RORA: variants seen among roughly 807,000 people sequenced by gnomAD.
The protein encoded by RORA is RAR related orphan receptor A, also known as nuclear receptor ROR-alpha.
RORA carries 7 observed loss-of-function variants against 69.5 expected under a neutral mutation model. The observed-to-expected ratio is 0.10, with a 90% CI of 0.06 to 0.19. The LOEUF is 0.19. RORA is among the 10% of genes least tolerant of loss of function. The pLI, the probability that RORA is intolerant of heterozygous loss-of-function variation, is 1.00. For missense variants in RORA, 457 were observed against 663.0 expected, an observed-to-expected ratio of 0.69 and a Z score of 3.41; for synonymous variants, 261 against 240.8, an observed-to-expected ratio of 1.08 and a Z score of -0.78.
intron 2 of RORA, among the ~76,000 whole-genome samples, chr15:60,653,090 G>A (rs1156312211): frequency 2.0e-5 from 3 of 152,170 alleles, no homozygotes; most frequent in Non-Finnish European, 4.4e-5. Flanking sequence ...TACGCTGTGG[G>A]CTTTCGTTTC....
At chr15:60,627,488 T>C (rs2069621883) in intron 2 of RORA, 9 of 1,549,490 alleles carry the variant, frequency 5.8e-6, no homozygotes, top group Non-Finnish European at 7.8e-6. Context: ...TGGAGAATGA[T>C]GGGGAGGAGT....
intron 1 of RORA, among the ~76,000 whole-genome samples, chr15:61,206,791 A>G (rs2079945947): frequency 1.3e-5 from 2 of 152,204 alleles, no homozygotes; most frequent in Admixed American, 1.3e-4. Flanking sequence ...CAGGCTCAGC[A>G]CACGGGAGGG....
intron 2 of RORA, among the ~76,000 whole-genome samples, chr15:60,541,566 G>A (rs1333112752): frequency 6.6e-6 from 1 of 152,214 alleles, no homozygotes; most frequent in Non-Finnish European, 1.5e-5. Context: ...GAAGTGGCAG[G>A]AGCTGGTGGC....
chr15:60,914,405 C>T (rs1891812038), intron 1 of RORA, among the ~76,000 whole-genome samples: 1 of 152,176 alleles, frequency 6.6e-6, no homozygotes, highest in South Asian at 2.1e-4. Flanking sequence ...GCCACTCCTC[C>T]TTACATACAA....
chr15:60,816,050 C>CTA (rs1370125671), intron 1 of RORA, among the ~76,000 whole-genome samples: 1 of 129,076 alleles, frequency 7.7e-6, no homozygotes, highest in African/African-American at 3.0e-5. Flanking sequence ...ACTATAAAAA[C>CTA]TATATGTATT....
intron 1 of RORA, among the ~76,000 whole-genome samples, chr15:61,117,079 TATG>T (rs2079057366): frequency 6.6e-6 from 1 of 152,196 alleles, no homozygotes; most frequent in Non-Finnish European, 1.5e-5. Flanking sequence ...CTGTATAATT[TATG>T]ATAATGTTAA....
chr15:60,535,064 C>G (rs1026212218), intron 2 of RORA, among the ~76,000 whole-genome samples: 11 of 152,114 alleles, frequency 7.2e-5, no homozygotes, highest in African/African-American at 2.7e-4. Flanking sequence ...CAGTTTCCCA[C>G]CAGGTAGTGT....
At chr15:61,198,782 G>A (rs543141470) in intron 1 of RORA, among the ~76,000 whole-genome samples, 21 of 151,918 alleles carry the variant, frequency 1.4e-4, no homozygotes, top group Non-Finnish European at 1.8e-4. Flanking sequence ...GAGGGCTCCC[G>A]ACTGCCTGTA....
At chr15:60,850,742 A>G (rs1272876131) in intron 1 of RORA, among the ~76,000 whole-genome samples, 1 of 152,142 alleles carries the variant, frequency 6.6e-6, no homozygotes, top group Non-Finnish European at 1.5e-5. Flanking sequence ...AGCCCTGTAG[A>G]CAACTGGTGC....
intron 2 of RORA, among the ~76,000 whole-genome samples, chr15:60,532,402 A>G (rs17191463): frequency 0.1 from 15,302 of 152,272 alleles, 886 homozygotes; most frequent in Middle Eastern, 0.18. Context: ...TTTGTGTACA[A>G]TCAGAACCTT....
intron 1 of RORA, among the ~76,000 whole-genome samples, chr15:61,199,802 G>A (rs1241344975): frequency 1.3e-5 from 2 of 152,226 alleles, no homozygotes; most frequent in East Asian, 1.9e-4. Context: ...ACTGATAACA[G>A]GCTGACAATG....
chr15:61,091,510 C>T (rs2078706704), intron 1 of RORA, among the ~76,000 whole-genome samples: 2 of 152,212 alleles, frequency 1.3e-5, no homozygotes, highest in African/African-American at 4.8e-5. Context: ...ACTCCCACTT[C>T]CCAGGGGCAA....
rs527651380 is a variant in RORA at position 61,104,971 on chromosome 15, C to T, written c.166+124082G>A. Among the ~76,000 whole-genome samples, 5 of 151,602 alleles carry T rather than the reference C, an allele frequency of 3.3e-5. No individual in the cohort carries two copies. The East Asian group carries it at 5.8e-4, about 18-fold the overall frequency. ...CTGCTGCCATGTAAGATGTGCCTTT[C>T]GTTTTCTGCCATGATCATGAGGCGC... On this transcript the variant is annotated intron_variant, in intron 1 of 10. Transcript: ENST00000335670.
chr15:61,133,012 G>A (rs2079205561), intron 1 of RORA, among the ~76,000 whole-genome samples: 2 of 151,550 alleles, frequency 1.3e-5, no homozygotes, highest in African/African-American at 4.8e-5. Context: ...TCCAACTACG[G>A]GAACAGAATA....
chr15:60,857,761 T>C (rs1329571827), intron 1 of RORA, among the ~76,000 whole-genome samples: 2 of 152,030 alleles, frequency 1.3e-5, no homozygotes, highest in East Asian at 3.8e-4. Context: ...TTAAGCAAAA[T>C]GATTAGTACC....
intron 1 of RORA, among the ~76,000 whole-genome samples, chr15:60,753,604 G>A (rs1022102718): frequency 2.6e-5 from 4 of 152,218 alleles, no homozygotes; most frequent in African/African-American, 9.7e-5. Context: ...ATTGAGCCCA[G>A]ATGTGTTAAA....
At chr15:61,037,509 G>A (rs1249473059) in intron 1 of RORA, among the ~76,000 whole-genome samples, 4 of 152,156 alleles carry the variant, frequency 2.6e-5, no homozygotes, top group Non-Finnish European at 5.9e-5. Context: ...CGCAGCCACA[G>A]GGCAGGAGAC....
At chr15:61,018,231 C>G (rs1383148327) in intron 1 of RORA, among the ~76,000 whole-genome samples, 1 of 152,114 alleles carries the variant, frequency 6.6e-6, no homozygotes, top group East Asian at 1.9e-4. Context: ...CTTCTGATTC[C>G]TCAGCAAAGT....
intron 2 of RORA, among the ~76,000 whole-genome samples, chr15:60,542,445 A>ACATGCACACCTCACACACG (rs1567072882): frequency 1.4e-5 from 2 of 142,130 alleles, no homozygotes; most frequent in African/African-American, 6.2e-5. Flanking sequence ...CTCACAGCAC[A>ACATGCACACCTCACACACG]GCACACAGGC....
Sources: gnomAD v4.1 joint callset for allele counts (sites outside exome capture counted in the v4.1 genomes callset) on GRCh38, gnomAD v4.1.1 for gene constraint, MANE v1.5 for transcripts, NCBI Gene and HGNC (gene_info 2026-07-23, HGNC 2026-07-21) for gene names.